RANBP10: variants seen among roughly 807,000 people sequenced by gnomAD.
RANBP10 encodes the protein RAN binding protein 10.
RANBP10 carries 24 observed loss-of-function variants against 72.8 expected under a neutral mutation model. The ratio of observed to expected loss-of-function variants is 0.33; its 90% CI spans 0.24 to 0.46. RANBP10 has a LOEUF of 0.46. Ranked by LOEUF, RANBP10 falls within the 20% of genes least tolerant of loss-of-function variation. The pLI, the probability that RANBP10 is intolerant of heterozygous loss-of-function variation, is 1.00. For synonymous variants in RANBP10, 310 were observed against 322.3 expected, an observed-to-expected ratio of 0.96 and a Z score of 0.41; for missense variants, 679 against 817.5, an observed-to-expected ratio of 0.83 and a Z score of 2.07.
intron 3 of RANBP10, 94 bp downstream of exon 3, chr16:67,771,940 C>CA (rs931327218): frequency 1.1e-4 from 163 of 1,455,248 alleles, no homozygotes; most frequent in Admixed American, 6.5e-5. Flanking sequence ...AGCTAGCAAA[C>CA]AAAGTCCTCC....
chr16:67,792,402 CA>C (rs1291527464), intron 2 of RANBP10, among the ~76,000 whole-genome samples: 9 of 147,644 alleles, frequency 6.1e-5, no homozygotes, highest in Non-Finnish European at 1.1e-4. Flanking sequence ...AAAAAAAATA[CA>C]AAAAAAAAAT....
chr16:67,734,776 C>A (rs1828716306), intron 6 of RANBP10, 82 bp downstream of exon 6: 3 of 1,331,300 alleles, frequency 2.3e-6, no homozygotes, highest in Non-Finnish European at 2.0e-6. Context: ...TTTGTAAGAA[C>A]AGCTTGTAGC....
intron 2 of RANBP10, among the ~76,000 whole-genome samples, chr16:67,785,288 G>A (rs973700878): frequency 1.3e-5 from 2 of 151,922 alleles, no homozygotes; most frequent in African/African-American, 4.8e-5. Context: ...AAAATAAAAA[G>A]GAAAGAGCCA....
At chr16:67,751,567 G>A (rs1263382008) in intron 3 of RANBP10, among the ~76,000 whole-genome samples, 1 of 152,184 alleles carries the variant, frequency 6.6e-6, no homozygotes, top group East Asian at 1.9e-4. Flanking sequence ...GGAGATTGGA[G>A]TGACCTGAGA....
Position 67,726,252 on chromosome 16 carries a change from G to T in RANBP10, c.*176C>A. On this transcript the variant is annotated 3_prime_UTR_variant, in exon 14 of 14. Transcript: ENST00000317506. ...AAGGGGAGAGAGAGAGAGACTGAGCGGGGTGGTGGGCAGAGAAAGGAAGGA... is the reference window on the plus strand; with the variant it reads ...AAGGGGAGAGAGAGAGAGACTGAGCTGGGTGGTGGGCAGAGAAAGGAAGGA... 4.5e-6 allele frequency: 4 copies of T among 884,582 alleles called. No homozygotes were observed. The highest frequency in any genetic ancestry group is 6.8e-6 in the Non-Finnish European group (4 of 587,526). The allele number at this position is 884,582 out of a possible 1,614,324, so 54.8% of individuals were successfully genotyped here.
In RANBP10 at chr16:67,739,044, CT is replaced by C. The variant is rs1304143704; in HGVS notation, c.569-1010del. ...GCACAATCTTGGCTCACTTCAACCT[CT>C]GCTTCCCGAGTTCAAGCAATTCTCC... On this transcript the variant is annotated intron_variant, in intron 4 of 13. Coordinates refer to ENST00000317506, the MANE Select transcript of RANBP10 (RefSeq NM_020850.3). 3.3e-5 allele frequency: 5 copies of C among 152,408 alleles called. No individual in the cohort carries two copies. In the South Asian group the frequency reaches 1.0e-3, roughly 32 times the overall value. The allele number at this position is 152,408 out of a possible 1,614,324, so 9.4% of individuals were successfully genotyped here. A position where few individuals can be genotyped will look rare whatever the true frequency, so the allele number is the denominator to read the frequency against.
At chr16:67,745,927 T>C (rs988718959) in intron 3 of RANBP10, among the ~76,000 whole-genome samples, 3 of 150,040 alleles carry the variant, frequency 2.0e-5, no homozygotes, top group African/African-American at 7.4e-5. Context: ...GAGGCCGCAG[T>C]GGGTGGATCA....
chr16:67,746,021 T>C (rs2054069297), intron 3 of RANBP10, among the ~76,000 whole-genome samples: 1 of 151,934 alleles, frequency 6.6e-6, no homozygotes, highest in East Asian at 1.9e-4. Flanking sequence ...CCGGGCATGG[T>C]GGTGCATGCC....
intron 3 of RANBP10, among the ~76,000 whole-genome samples, chr16:67,755,295 G>C (rs1278077294): frequency 6.6e-6 from 1 of 152,170 alleles, no homozygotes; most frequent in Non-Finnish European, 1.5e-5. Flanking sequence ...TGGGTCTAGA[G>C]AGAGGATGGA....
intron 3 of RANBP10, among the ~76,000 whole-genome samples, chr16:67,756,892 G>A (rs963123758): frequency 6.6e-5 from 10 of 151,516 alleles, no homozygotes; most frequent in East Asian, 2.0e-4. Flanking sequence ...CCTCTCTCTC[G>A]GGGATGGCAG....
At chr16:67,778,178 C>T (rs542565518) in intron 2 of RANBP10, among the ~76,000 whole-genome samples, 4 of 152,120 alleles carry the variant, frequency 2.6e-5, no homozygotes, top group South Asian at 4.1e-4. Context: ...GGAGAAACCC[C>T]GTCGCTACTA....
Position 67,772,089 on chromosome 16 carries a change from T to TAAA in RANBP10, c.348-4_348-3insTTT. The stretch of plus-strand genomic sequence containing the variant: ...CCGAGAGTCCTATTCCCATGTAACT[T>TAAA]CAAAAAAAAAAAAAAAAAAAACACA... On this transcript the variant is annotated splice_polypyrimidine_tract_variant and splice_region_variant and intron_variant, in intron 2 of 13. Transcript: ENST00000317506. The TAAA allele has an allele frequency of 8.1e-7, 1 of 1,233,000 alleles. No individual in the cohort carries two copies. The highest frequency in any genetic ancestry group is 2.8e-5 in the East Asian group (1 of 35,842). 76.4% of individuals were successfully genotyped at this position (1,233,000 alleles called of 1,614,324 possible).
At chr16:67,798,324 T>C (rs1384103405) in intron 2 of RANBP10, among the ~76,000 whole-genome samples, 1 of 152,130 alleles carries the variant, frequency 6.6e-6, no homozygotes, top group African/African-American at 2.4e-5. Flanking sequence ...TCAACAGCAC[T>C]GTACAATGCA....
intron 3 of RANBP10, among the ~76,000 whole-genome samples, chr16:67,758,474 GCGA>G (rs1423636532): frequency 2.6e-5 from 4 of 152,158 alleles, no homozygotes; most frequent in African/African-American, 9.7e-5. Context: ...TGGGTCCTGA[GCGA>G]CGGCCAACCC....
chr16:67,753,336 C>T (rs547713898), intron 3 of RANBP10, among the ~76,000 whole-genome samples: 196 of 152,176 alleles, frequency 1.3e-3, no homozygotes, highest in South Asian at 3.7e-3. Flanking sequence ...TGACACCCCA[C>T]CTCTACAAAA....
At chr16:67,733,632 C>CATATG (rs2053778893) in intron 6 of RANBP10, among the ~76,000 whole-genome samples, 1 of 152,170 alleles carries the variant, frequency 6.6e-6, no homozygotes, top group East Asian at 1.9e-4. Flanking sequence ...GCAAATGCTA[C>CATATG]ATATGAACAC....
chr16:67,756,854 T>A (rs2054294691), intron 3 of RANBP10, among the ~76,000 whole-genome samples: 1 of 152,050 alleles, frequency 6.6e-6, no homozygotes, highest in African/African-American at 2.4e-5. Context: ...TTCTGTCACT[T>A]CTTAGCCCCC....
chr16:67,781,036 T>A (rs536387617), intron 2 of RANBP10, among the ~76,000 whole-genome samples: 1 of 152,280 alleles, frequency 6.6e-6, no homozygotes, highest in Non-Finnish European at 1.5e-5. Context: ...ATGTCCCATG[T>A]GCTCTCAGAG....
At chr16:67,740,862 C>A (rs979682197) in intron 4 of RANBP10, among the ~76,000 whole-genome samples, 8 of 152,234 alleles carry the variant, frequency 5.3e-5, no homozygotes, top group African/African-American at 1.7e-4. Flanking sequence ...CGGCATGACT[C>A]TGGCATGCTG....
Sources: gnomAD v4.1 joint callset for allele counts (sites outside exome capture counted in the v4.1 genomes callset) on GRCh38, gnomAD v4.1.1 for gene constraint, MANE v1.5 for transcripts, NCBI Gene and HGNC (gene_info 2026-07-23, HGNC 2026-07-21) for gene names.